SPAG16: variants seen among roughly 807,000 people sequenced by gnomAD.
SPAG16 encodes sperm-associated antigen 16 protein.
SPAG16 carries 86 observed loss-of-function variants against 80.4 expected under a neutral mutation model. The observed-to-expected ratio is 1.07, with a 90% confidence interval of 0.90 to 1.28. SPAG16 has a LOEUF of 1.28. Ranked by LOEUF, SPAG16 falls within the 50% of genes most tolerant of loss-of-function variation. SPAG16 has a pLI of 0.00. For synonymous variants in SPAG16, 294 were observed against 265.9 expected (o/e 1.11, Z -1.03); for missense variants, 870 against 765.3 (o/e 1.14, Z -1.61).
At chr2:214,295,085 A>G (rs1694041287) in intron 15 of SPAG16, among the ~76,000 whole-genome samples, 1 of 152,168 alleles carries the variant, frequency 6.6e-6, no homozygotes, top group Admixed American at 6.5e-5. Flanking sequence ...TGAGGAGTAA[A>G]ATAAATAGTA....
intron 4 of SPAG16, among the ~76,000 whole-genome samples, 183 bp downstream of exon 4, chr2:213,310,360 ACACACACACACAC>A (rs1559396363): frequency 8.0e-6 from 1 of 124,242 alleles, no homozygotes; most frequent in African/African-American, 2.7e-5. Flanking sequence ...ACACACACAC[ACACACACACACAC>A]AAATCAGAAT....
chr2:213,963,759 A>G (rs2044573321), intron 12 of SPAG16, among the ~76,000 whole-genome samples: 1 of 152,020 alleles, frequency 6.6e-6, no homozygotes, highest in Non-Finnish European at 1.5e-5. Flanking sequence ...TTACCCTTTT[A>G]CCATTTTAGG....
intron 10 of SPAG16, among the ~76,000 whole-genome samples, chr2:213,712,695 C>G (rs954960579): frequency 6.6e-6 from 1 of 152,092 alleles, no homozygotes; most frequent in African/African-American, 2.4e-5. Context: ...TCAAGTGAAG[C>G]TGTCTCAAAA....
intron 10 of SPAG16, among the ~76,000 whole-genome samples, chr2:213,518,145 T>C (rs556781652): frequency 4.3e-4 from 66 of 152,256 alleles, no homozygotes; most frequent in African/African-American, 1.5e-3. Context: ...AGGACCTGAA[T>C]AGACACTTTT....
At chr2:214,355,248 G>A (rs1485562627) in intron 15 of SPAG16, among the ~76,000 whole-genome samples, 6 of 141,932 alleles carry the variant, frequency 4.2e-5, no homozygotes, top group African/African-American at 1.5e-4. Flanking sequence ...TACAAAATGG[G>A]AGAAAATTTT....
At chr2:214,114,514 C>A (rs533572621) in intron 14 of SPAG16, among the ~76,000 whole-genome samples, 1 of 152,296 alleles carries the variant, frequency 6.6e-6, no homozygotes, top group East Asian at 1.9e-4. Flanking sequence ...ATGGTGGATG[C>A]CCCTCCCCCT....
At chr2:213,714,636 G>A (rs2066151057) in intron 10 of SPAG16, among the ~76,000 whole-genome samples, 2 of 151,986 alleles carry the variant, frequency 1.3e-5, no homozygotes, top group South Asian at 2.1e-4. Context: ...AACAAGCATG[G>A]CCCCTACTAT....
intron 15 of SPAG16, among the ~76,000 whole-genome samples, chr2:214,230,674 T>C (rs1688631289): frequency 6.6e-6 from 1 of 151,818 alleles, no homozygotes; most frequent in Non-Finnish European, 1.5e-5. Flanking sequence ...AAAACCAAGA[T>C]CTCTCCAGAG....
intron 11 of SPAG16, among the ~76,000 whole-genome samples, chr2:213,897,693 A>G (rs2077051119): frequency 6.6e-6 from 1 of 152,110 alleles, no homozygotes; most frequent in Non-Finnish European, 1.5e-5. Flanking sequence ...ACGCGGTGCT[A>G]ATCTATACCT....
At chr2:214,343,117 G>C (rs994391663) in intron 15 of SPAG16, among the ~76,000 whole-genome samples, 3 of 152,076 alleles carry the variant, frequency 2.0e-5, no homozygotes, top group Non-Finnish European at 4.4e-5. Context: ...ACAAAAAAAA[G>C]TATAATAACT....
At chr2:214,096,901 G>A (rs2052628060) in intron 13 of SPAG16, among the ~76,000 whole-genome samples, 1 of 151,918 alleles carries the variant, frequency 6.6e-6, no homozygotes, top group South Asian at 2.1e-4. Context: ...TAATTTATAT[G>A]CCAGTGAGAT....
chr2:213,464,355 C>G (rs1248518114), intron 9 of SPAG16, among the ~76,000 whole-genome samples: 1 of 152,068 alleles, frequency 6.6e-6, no homozygotes, highest in African/African-American at 2.4e-5. Flanking sequence ...TCTGCCTTTC[C>G]CAAGGAATGT....
intron 9 of SPAG16, among the ~76,000 whole-genome samples, chr2:213,468,354 G>GAT (rs369376790): frequency 3.1e-4 from 44 of 140,672 alleles, no homozygotes; most frequent in Non-Finnish European, 5.3e-4. Context: ...ACTAATAGGA[G>GAT]ATATATATAT....
In SPAG16 at chr2:213,604,799, A is replaced by G. The variant is rs532031753; in HGVS notation, c.1070+114709A>G. Among the ~76,000 whole-genome samples, 297 of 151,914 alleles carry G rather than the reference A, an allele frequency of 2.0e-3. 1 individual carries two copies. The highest frequency in any genetic ancestry group is 3.5e-3 in the Non-Finnish European group (241 of 67,912). On this transcript the variant is annotated intron_variant, in intron 10 of 15. Coordinates refer to ENST00000331683, the MANE Select transcript of SPAG16 (RefSeq NM_024532.5). ...TAACTCTTCTTCATTTGCTTCAAGA[A>G]AAAAACCTAAATTTGTAATATGTAC...
At chr2:214,038,580 T>C (rs910539223) in intron 13 of SPAG16, among the ~76,000 whole-genome samples, 2 of 152,180 alleles carry the variant, frequency 1.3e-5, no homozygotes, top group African/African-American at 4.8e-5. Flanking sequence ...TTAGGGTACA[T>C]GTGCACAATG....
chr2:213,907,466 G>A (rs2077476016), intron 11 of SPAG16, among the ~76,000 whole-genome samples: 1 of 121,152 alleles, frequency 8.3e-6, no homozygotes, highest in African/African-American at 2.6e-5. Flanking sequence ...AAACAGCGTG[G>A]AGGTTTCTCA....
chr2:214,355,020 G>T (rs1229050634), intron 15 of SPAG16, among the ~76,000 whole-genome samples: 2 of 152,060 alleles, frequency 1.3e-5, no homozygotes, highest in Non-Finnish European at 2.9e-5. Context: ...GCCCTGGCCA[G>T]AACTTCAGAT....
At chr2:213,409,084 A>G (rs576918266) in intron 9 of SPAG16, among the ~76,000 whole-genome samples, 6 of 151,052 alleles carry the variant, frequency 4.0e-5, no homozygotes, top group African/African-American at 1.5e-4. Flanking sequence ...GGAATGTTCC[A>G]TGGTAAATTA....
At chr2:214,332,142 G>C (rs10188153) in intron 15 of SPAG16, among the ~76,000 whole-genome samples, 103,375 of 152,076 alleles carry the variant, frequency 0.68, 39,595 homozygotes, top group South Asian at 0.86. Context: ...AGCCCAGCTA[G>C]TTGGGAGGCT....
Sources: allele counts gnomAD v4.1 joint callset (sites outside exome capture counted in the v4.1 genomes callset), GRCh38; gene constraint gnomAD v4.1.1; transcripts MANE v1.5; gene names NCBI Gene and HGNC (gene_info 2026-07-23, HGNC 2026-07-21).